FMNL2: variants seen among roughly 807,000 people sequenced by gnomAD.
The protein encoded by FMNL2 is formin like 2, also known as formin-like protein 2.
Under a neutral mutation model 130.2 loss-of-function variants are expected in FMNL2, and 51 were observed. The ratio of observed to expected loss-of-function variants is 0.39; its 90% confidence interval spans 0.31 to 0.49. The LOEUF is 0.49. Among genes scored for constraint, FMNL2 ranks in the 20% least tolerant of loss-of-function variants. The probability of loss-of-function intolerance (pLI) is 0.85; values close to 1 mark genes in which losing one functional copy is unlikely to be tolerated. For missense variants in FMNL2, 977 were observed against 1,316.2 expected, an observed-to-expected ratio of 0.74 and a Z score of 3.99; for synonymous variants, 465 against 467.1, an observed-to-expected ratio of 1.00 and a Z score of 0.06.
chr2:152,648,143 G>GTATC lies in FMNL2; in HGVS notation c.*240_*243dup, dbSNP rs1683782366. 1 of 460,582 alleles carries GTATC rather than the reference G, an allele frequency of 2.2e-6. No individual in the cohort carries two copies. Among genetic ancestry groups the GTATC allele is most frequent in the African/African-American group, 2.0e-5 (1 of 48,966 alleles). 28.5% of individuals were successfully genotyped at this position (460,582 alleles called of 1,614,324 possible). A position where few individuals can be genotyped will look rare whatever the true frequency, so the allele number is the denominator to read the frequency against. On this transcript the variant is annotated 3_prime_UTR_variant, in exon 26 of 26. Transcript: ENST00000288670. Reference sequence around the variant, plus strand: ...AAGCAATAGGATTTGATTTGATTAGGTATCTTTTTACACCAGTATGTTATT... The same window carrying GTATC: ...AAGCAATAGGATTTGATTTGATTAGGTATCTATCTTTTTACACCAGTATGTTATT...
intron 1 of FMNL2, among the ~76,000 whole-genome samples, chr2:152,400,114 G>A (rs1685603565): frequency 6.6e-6 from 1 of 152,130 alleles, no homozygotes; most frequent in Non-Finnish European, 1.5e-5. Context: ...GATTGGAGAT[G>A]GCAACAGATA....
At chr2:152,372,301 A>G (rs1394628560) in intron 1 of FMNL2, among the ~76,000 whole-genome samples, 1 of 152,212 alleles carries the variant, frequency 6.6e-6, no homozygotes, top group Non-Finnish European at 1.5e-5. Flanking sequence ...CTAATTTAGC[A>G]TTTGTGTCAG....
chr2:152,589,981 A>ATATG (rs1186550909), intron 9 of FMNL2, among the ~76,000 whole-genome samples: 60 of 42,448 alleles, frequency 1.4e-3, no homozygotes, highest in African/African-American at 5.8e-3. Flanking sequence ...ATATATATAT[A>ATATG]TATGTATATG....
intron 1 of FMNL2, among the ~76,000 whole-genome samples, chr2:152,461,263 T>C (rs182796707): frequency 2.4e-4 from 36 of 152,316 alleles, no homozygotes; most frequent in African/African-American, 8.2e-4. Context: ...AGAACAGATT[T>C]CGGAATTATT....
intron 8 of FMNL2, among the ~76,000 whole-genome samples, chr2:152,580,503 G>A (rs368527291): frequency 7.9e-5 from 12 of 152,290 alleles, no homozygotes; most frequent in African/African-American, 2.6e-4. Flanking sequence ...GATTTGAAAT[G>A]TAGAACATGA....
intron 9 of FMNL2, among the ~76,000 whole-genome samples, chr2:152,585,220 CTT>C (rs1436037794): frequency 6.6e-6 from 1 of 151,988 alleles, no homozygotes; most frequent in African/African-American, 2.4e-5. Flanking sequence ...TGAAATATCT[CTT>C]AACGAAAATT....
intron 1 of FMNL2, among the ~76,000 whole-genome samples, chr2:152,353,692 A>G (rs1034381038): frequency 6.6e-6 from 1 of 152,206 alleles, no homozygotes; most frequent in African/African-American, 2.4e-5. Flanking sequence ...ATATTAAGTG[A>G]TATTGCTTAG....
intron 1 of FMNL2, among the ~76,000 whole-genome samples, chr2:152,415,273 A>T (rs1686547589): frequency 1.3e-5 from 2 of 152,098 alleles, no homozygotes; most frequent in Non-Finnish European, 2.9e-5. Context: ...TGGCTCGGAG[A>T]CAGCATGGTC....
At chr2:152,588,861 T>C (rs1456616933) in intron 9 of FMNL2, among the ~76,000 whole-genome samples, 1 of 152,122 alleles carries the variant, frequency 6.6e-6, no homozygotes, top group African/African-American at 2.4e-5. Flanking sequence ...AGATTGACTC[T>C]ATTAATAAAG....
At chr2:152,353,870 A>G (rs577414694) in intron 1 of FMNL2, among the ~76,000 whole-genome samples, 1 of 148,754 alleles carries the variant, frequency 6.7e-6, no homozygotes, top group East Asian at 2.0e-4. Context: ...TTAAATCATC[A>G]TCAACCTCAA....
intron 1 of FMNL2, among the ~76,000 whole-genome samples, chr2:152,371,825 A>T (rs1003711770): frequency 2.6e-5 from 4 of 152,028 alleles, no homozygotes; most frequent in Non-Finnish European, 4.4e-5. Flanking sequence ...AGGAAGAGGA[A>T]GAGAGACATG....
intron 9 of FMNL2, among the ~76,000 whole-genome samples, chr2:152,602,113 C>T (rs550817369): frequency 2.2e-4 from 33 of 152,332 alleles, no homozygotes; most frequent in African/African-American, 7.9e-4. Flanking sequence ...AGTCCCATTT[C>T]TACCCTTATA....
chr2:152,445,872 G>A (rs1222241958), intron 1 of FMNL2, among the ~76,000 whole-genome samples: 1 of 152,112 alleles, frequency 6.6e-6, no homozygotes, highest in African/African-American at 2.4e-5. Flanking sequence ...TTGACAAGCA[G>A]CCTAGTACCT....
At chr2:152,478,250 ATTTTTT>A (rs869219736) in intron 1 of FMNL2, among the ~76,000 whole-genome samples, 9 of 92,116 alleles carry the variant, frequency 9.8e-5, no homozygotes, top group African/African-American at 3.9e-4. Flanking sequence ...ATATATATAT[ATTTTTT>A]TTTTTTTTTT....
At chr2:152,480,719 C>T (rs1221253081) in intron 1 of FMNL2, among the ~76,000 whole-genome samples, 1 of 151,502 alleles carries the variant, frequency 6.6e-6, no homozygotes, top group Non-Finnish European at 1.5e-5. Context: ...GGATAATGCC[C>T]ATCTACCAAG....
intron 1 of FMNL2, among the ~76,000 whole-genome samples, chr2:152,351,652 C>G (rs1025120944): frequency 3.3e-4 from 51 of 152,252 alleles, no homozygotes; most frequent in African/African-American, 1.2e-3. Flanking sequence ...AATAGTGTTG[C>G]AGTAGACATA....
At chr2:152,490,616 T>TGTGTGTGTGTGTGTGTG in intron 1 of FMNL2, among the ~76,000 whole-genome samples, 22 of 142,088 alleles carry the variant, frequency 1.5e-4, no homozygotes, top group South Asian at 4.5e-4. Flanking sequence ...TGTGTGTGTG[T>TGTGTGTGTGTGTGTGTG]TGGATAAACT....
intron 6 of FMNL2, among the ~76,000 whole-genome samples, chr2:152,572,208 A>T (rs187540507): frequency 6.6e-6 from 1 of 152,330 alleles, no homozygotes; most frequent in East Asian, 1.9e-4. Context: ...GACATCCTAC[A>T]GGGTGACTGA....
At chr2:152,566,187 G>A (rs1289530010) in intron 6 of FMNL2, among the ~76,000 whole-genome samples, 2 of 152,172 alleles carry the variant, frequency 1.3e-5, no homozygotes, top group Non-Finnish European at 2.9e-5. Context: ...TTCAAATGTA[G>A]GTCCTTGTTT....
Sources: allele counts gnomAD v4.1 joint callset (sites outside exome capture counted in the v4.1 genomes callset), GRCh38; gene constraint gnomAD v4.1.1; transcripts MANE v1.5; gene names NCBI Gene and HGNC (gene_info 2026-07-23, HGNC 2026-07-21).